Variants in WASF3 observed in about 807,000 individuals in gnomAD.
The protein encoded by WASF3 is WASP family member 3.
A neutral mutation model predicts 46.6 loss-of-function variants in WASF3; 11 were observed. The observed-to-expected ratio is 0.24, with a 90% CI of 0.15 to 0.39. WASF3 has a LOEUF of 0.39. Among genes scored for constraint, WASF3 ranks in the 10% least tolerant of loss-of-function variants. The pLI, the probability that WASF3 is intolerant of heterozygous loss-of-function variation, is 1.00. For missense variants in WASF3, 576 were observed against 669.8 expected (o/e 0.86, Z 1.55); for synonymous variants, 242 against 259.7 (o/e 0.93, Z 0.65).
rs58237286 is a variant in WASF3, at chr13:26,633,200, C to CTTTTTTTTTTTTT, written c.-10-9057_-10-9045dup. Among the ~76,000 whole-genome samples, 87 of 90,424 alleles carry CTTTTTTTTTTTTT rather than the reference C, an allele frequency of 9.6e-4. 3 individuals carry two copies. The highest frequency in any genetic ancestry group is 1.4e-3 in the Non-Finnish European group (67 of 47,912). The allele number at this position is 90,424 out of a possible 152,430, so 59.3% of individuals were successfully genotyped here. ...AGTTCTGTTTTGATCTTAGTTATTTCTTTTTTTTTTTTTTTTCTTGAGGCA... is the reference window on the plus strand; with the variant it reads ...AGTTCTGTTTTGATCTTAGTTATTTCTTTTTTTTTTTTTTTTTTTTTTTTTTTTTCTTGAGGCA... On this transcript the variant is annotated intron_variant, in intron 2 of 9. Transcript: ENST00000335327.
chr13:26,577,174 C>A, intron 1 of WASF3: 1 of 756,572 alleles, frequency 1.3e-6, no homozygotes. Flanking sequence ...CAAAAACTTC[C>A]TAACTTCCTT....
intron 9 of WASF3, among the ~76,000 whole-genome samples, chr13:26,683,648 AG>A (rs1361014400): frequency 6.6e-6 from 1 of 151,888 alleles, no homozygotes; most frequent in African/African-American, 2.4e-5. Flanking sequence ...AAAAAAAAAA[AG>A]AGTTTGTGCT....
In WASF3 at chr13:26,664,340, G is replaced by A. The variant is rs1593177956; in HGVS notation, c.134-688G>A. Among the ~76,000 whole-genome samples, 7 of 152,328 alleles carry A rather than the reference G, an allele frequency of 4.6e-5. No individual in the cohort carries two copies. The South Asian group carries it at 1.5e-3, about 32-fold the overall frequency. ...TATTTGTTGCATGGATAAAGTAATG[G>A]TGTTAGGATTTGGAAATTCAGTGTA... On this transcript the variant is annotated intron_variant, in intron 3 of 9. Coordinates refer to ENST00000335327, the MANE Select transcript of WASF3 (RefSeq NM_006646.6).
chr13:26,683,754 G>A (rs937661071), intron 9 of WASF3, among the ~76,000 whole-genome samples: 5 of 152,048 alleles, frequency 3.3e-5, no homozygotes, highest in East Asian at 1.9e-4. Context: ...AAAGTCCCGC[G>A]TTGACCCCCT....
Position 26,665,173 on chromosome 13 carries a change from G to T in WASF3, c.268+11G>T. The T allele has an allele frequency of 6.2e-7, 1 of 1,613,028 alleles. No homozygotes were observed. Among genetic ancestry groups the T allele is most frequent in the Non-Finnish European group, 8.5e-7 (1 of 1,179,908 alleles). On this transcript the variant is annotated intron_variant, in intron 4 of 9. Transcript: ENST00000335327. Reference sequence around the variant, plus strand: ...CAACAGTGGAAGAGGGTAGGTAATTGCCTGAAAGCAGTGAGCTAGAAGTGA... The same window carrying T: ...CAACAGTGGAAGAGGGTAGGTAATTTCCTGAAAGCAGTGAGCTAGAAGTGA...
At chr13:26,555,754 T>C (rs1593362089), upstream of WASF3, among the ~76,000 whole-genome samples, 2 of 152,354 alleles carry the variant, frequency 1.3e-5, no homozygotes, top group Middle Eastern at 6.8e-3. Flanking sequence ...ACAGAAGCCC[T>C]GTGGCTGTCT....
At position 26,601,783 on chromosome 13, in the gene WASF3, G is replaced by A. The variant is rs377111472; in HGVS notation, c.-108-11178G>A. 1.5e-4 allele frequency among the ~76,000 whole-genome samples: 23 copies of A among 152,310 alleles called. No homozygotes were observed. In the East Asian group the frequency reaches 2.9e-3, roughly 19 times the overall value. On this transcript the variant is annotated intron_variant, in intron 1 of 9. Coordinates refer to ENST00000335327, the MANE Select transcript of WASF3 (RefSeq NM_006646.6). ...GTGATATATTGGCCACTGGCCTCAAGCATGAGTTTTGTCATTTGGAGACAG... is the reference window on the plus strand; with the variant it reads ...GTGATATATTGGCCACTGGCCTCAAACATGAGTTTTGTCATTTGGAGACAG...
At chr13:26,564,903 T>TG (rs1879412544) in intron 1 of WASF3, among the ~76,000 whole-genome samples, 1 of 142,762 alleles carries the variant, frequency 7.0e-6, no homozygotes, top group South Asian at 2.2e-4. Context: ...GGTTGTGGTT[T>TG]TTTTTTTTTT....
At chr13:26,565,382 G>A (rs574067) in intron 1 of WASF3, among the ~76,000 whole-genome samples, 150,313 of 152,130 alleles carry the variant, frequency 0.99, 74,282 homozygotes, top group East Asian at 1. Context: ...GCTTAGAATG[G>A]GAAGGAAGAG....
At chr13:26,599,638 A>G (rs1880588047) in intron 1 of WASF3, among the ~76,000 whole-genome samples, 1 of 152,218 alleles carries the variant, frequency 6.6e-6, no homozygotes, top group Admixed American at 6.5e-5. Context: ...GTTTGTTAAC[A>G]GTTCAGCTGG....
At chr13:26,684,764 A>G (rs1345884222) in intron 9 of WASF3, among the ~76,000 whole-genome samples, 1 of 152,188 alleles carries the variant, frequency 6.6e-6, no homozygotes, top group Non-Finnish European at 1.5e-5. Context: ...AGATTGGGAA[A>G]TAAATGTGGT....
At chr13:26,552,331 C>T in the WASF3 span, among the ~76,000 whole-genome samples, 4 of 152,184 alleles carry the variant, frequency 2.6e-5, no homozygotes, top group Non-Finnish European at 4.4e-5. Context: ...TTTACCTTCT[C>T]ATAATTTTCC....
chr13:26,683,462 C>T (rs570429155), intron 9 of WASF3, among the ~76,000 whole-genome samples: 21 of 145,926 alleles, frequency 1.4e-4, no homozygotes, highest in Middle Eastern at 3.4e-3. Flanking sequence ...GGCGACAGAG[C>T]GAGACCCGTC....
In WASF3 at chr13:26,682,726, A is replaced by G. The variant is rs1395410515; in HGVS notation, c.1103A>G (p.Gln368Arg). The change falls in exon 9 of 10, where the codon CAG (glutamine) becomes CGG (arginine). Residue 368 changes from glutamine (Q) to arginine (R), a missense_variant. Physicochemically the swap from Gln to Arg is conservative, Grantham distance 43 (BLOSUM62 1). Around this residue, in one of 3 missense-constraint regions of WASF3, gnomAD observed 295 missense variants for 291.5 expected, o/e 1.01. Transcript: ENST00000335327. This position sits in a 1 kb window ranked among gnomAD's most constrained non-coding sequence, Gnocchi z 4.4. The part of the protein sequence containing the change: ...AFVSPLQMPM[Q>R]PPFPASASST... ...GTCAGCCCTCTCCAGATGCCCATGC[A>G]GCCCCCGTTCCCTGCATCAGCCAGC... 1.2e-6 allele frequency: 2 copies of G among 1,613,892 alleles called. No homozygotes were observed. Among genetic ancestry groups the G allele is most frequent in the Non-Finnish European group, 1.7e-6 (2 of 1,180,014 alleles).
At chr13:26,659,354 G>A (rs1035554663) in intron 3 of WASF3, among the ~76,000 whole-genome samples, 11 of 152,182 alleles carry the variant, frequency 7.2e-5, no homozygotes, top group African/African-American at 2.4e-4. Context: ...AGTTGGAGTG[G>A]GACATACAAG....
At chr13:26,653,410 C>G (rs958664064) in intron 3 of WASF3, among the ~76,000 whole-genome samples, 1 of 152,200 alleles carries the variant, frequency 6.6e-6, no homozygotes, top group Non-Finnish European at 1.5e-5. Flanking sequence ...TCCATGGCCT[C>G]TATTTCCCAC....
chr13:26,632,437 T>G (rs780502134), intron 2 of WASF3, among the ~76,000 whole-genome samples: 1 of 152,174 alleles, frequency 6.6e-6, no homozygotes, highest in Non-Finnish European at 1.5e-5. Context: ...AATCATGTGG[T>G]TTTTGTCGTT....
At chr13:26,539,626 C>T in the WASF3 span, among the ~76,000 whole-genome samples, 1 of 152,106 alleles carries the variant, frequency 6.6e-6, no homozygotes, top group Non-Finnish European at 1.5e-5. Context: ...CTAGAACTAA[C>T]CACTGCTGTA....
intron 2 of WASF3, among the ~76,000 whole-genome samples, chr13:26,628,351 C>A (rs1881536861): frequency 6.6e-6 from 1 of 152,176 alleles, no homozygotes; most frequent in South Asian, 2.1e-4. Flanking sequence ...CAACCCCCTA[C>A]CCCCACCATG....
Sources: gnomAD v4.1 joint callset for allele counts (sites outside exome capture counted in the v4.1 genomes callset) on GRCh38, gnomAD v4.1.1 for gene constraint, gnomAD v4.1.1 regional missense constraint, Gnocchi (gnomAD v3.1) non-coding constraint, MANE v1.5 for transcripts, NCBI Gene and HGNC (gene_info 2026-07-23, HGNC 2026-07-21) for gene names.